PFKFB4: variants seen among roughly 807,000 people sequenced by gnomAD.
The protein encoded by PFKFB4 is 6-phosphofructo-2-kinase/fructose-2,6-biphosphatase 4.
Under a neutral mutation model 62.8 loss-of-function variants are expected in PFKFB4, and 42 were observed. The observed-to-expected ratio is 0.67, with a 90% CI of 0.52 to 0.86. The LOEUF is 0.86. Ranked by LOEUF, PFKFB4 falls within the 40% of genes least tolerant of loss-of-function variation. The pLI, the probability that PFKFB4 is intolerant of heterozygous loss-of-function variation, is 0.00. For synonymous variants in PFKFB4, 204 were observed against 240.7 expected (o/e 0.85, Z 1.41); for missense variants, 475 against 627.2 (o/e 0.76, Z 2.59).
Position 48,521,883 on chromosome 3 carries a change from C to T in PFKFB4, c.1350+103G>A. On this transcript the variant is annotated intron_variant, in intron 13 of 13. Coordinates refer to ENST00000232375, the MANE Select transcript of PFKFB4 (RefSeq NM_004567.4). The surrounding 1 kb of genome is among the most constrained non-coding windows in gnomAD (Gnocchi z 5.3). ...CAGTCTTGGCAGAAGACTCAAGCTC[C>T]CTCTGGCAGGTGCCGCAGCTGGGCC... 1 of 981,994 alleles carries T rather than the reference C, an allele frequency of 1.0e-6. No individual in the cohort carries two copies. The highest frequency in any genetic ancestry group is 1.6e-6 in the Non-Finnish European group (1 of 607,474). 60.8% of individuals were successfully genotyped at this position (981,994 alleles called of 1,614,324 possible).
chr3:48,538,420 G>A, intron 7 of PFKFB4, 78 bp downstream of exon 7: 2 of 1,556,908 alleles, frequency 1.3e-6, no homozygotes, highest in Non-Finnish European at 1.7e-6. Flanking sequence ...ACCACCATGG[G>A]GAGCCATAGG....
chr3:48,546,404 C>G (rs1490389566), intron 3 of PFKFB4, among the ~76,000 whole-genome samples: 1 of 152,124 alleles, frequency 6.6e-6, no homozygotes, highest in Non-Finnish European at 1.5e-5. Context: ...TGCCATGTGA[C>G]TGTGTGAGAA....
chr3:48,551,214 C>CTT (rs773561800), intron 1 of PFKFB4, among the ~76,000 whole-genome samples: 55 of 135,060 alleles, frequency 4.1e-4, no homozygotes, highest in South Asian at 4.7e-4. Flanking sequence ...GCTCACTTTT[C>CTT]TTTTTTTTTT....
At chr3:48,522,725 G>A (rs987456259) in intron 12 of PFKFB4, among the ~76,000 whole-genome samples, 3 of 152,030 alleles carry the variant, frequency 2.0e-5, no homozygotes, top group African/African-American at 7.2e-5. Flanking sequence ...AGTCACTGGG[G>A]AGGTCTTCTG....
chr3:48,550,871 G>A (rs2043121221), intron 1 of PFKFB4, among the ~76,000 whole-genome samples: 1 of 152,206 alleles, frequency 6.6e-6, no homozygotes, highest in South Asian at 2.1e-4. Flanking sequence ...TACAGCAGAA[G>A]AAGCCCTGTG....
At chr3:48,525,346 A>C (rs2042223456) in intron 10 of PFKFB4, among the ~76,000 whole-genome samples, 1 of 152,116 alleles carries the variant, frequency 6.6e-6, no homozygotes, top group African/African-American at 2.4e-5. Context: ...CCTGCCCTAC[A>C]TGGCACTGCC....
intron 9 of PFKFB4, among the ~76,000 whole-genome samples, chr3:48,527,753 T>C (rs1158042064): frequency 1.4e-5 from 2 of 146,834 alleles, no homozygotes; most frequent in Non-Finnish European, 3.0e-5. Context: ...AGTGGTGCAA[T>C]CTCAGCTCAC....
chr3:48,537,870 G>A (rs1029911640), intron 7 of PFKFB4, among the ~76,000 whole-genome samples: 33 of 152,116 alleles, frequency 2.2e-4, no homozygotes, highest in Non-Finnish European at 1.6e-4. Context: ...GCACAAGTTT[G>A]TATTCCAGCC....
At chr3:48,546,437 G>A (rs529374024) in intron 3 of PFKFB4, among the ~76,000 whole-genome samples, 1 of 152,284 alleles carries the variant, frequency 6.6e-6, no homozygotes, top group African/African-American at 2.4e-5. Context: ...TGCTTGGTGT[G>A]TACATGTGCA....
At position 48,537,089 on chromosome 3, in the gene PFKFB4, C is replaced by T. The variant is rs533179384; in HGVS notation, c.633-626G>A. On this transcript the variant is annotated intron_variant, in intron 7 of 13. Transcript: ENST00000232375. ...CCGATAAGTCCAGCTCAGCCACTTTCCCTACTCTGGACCTATGTGGCACTG... is the reference window on the plus strand; with the variant it reads ...CCGATAAGTCCAGCTCAGCCACTTTTCCTACTCTGGACCTATGTGGCACTG... Among the ~76,000 whole-genome samples, 4 of 152,326 alleles carry T rather than the reference C, an allele frequency of 2.6e-5. No homozygotes were observed. The South Asian group carries it at 8.3e-4, about 32-fold the overall frequency.
upstream of PFKFB4, chr3:48,562,933 G>A (rs2043458992): frequency 1.9e-6 from 3 of 1,605,148 alleles, no homozygotes; most frequent in Non-Finnish European, 2.6e-6. The surrounding 1 kb of genome is among the most constrained non-coding windows in gnomAD (Gnocchi z 4.3). Context: ...GGTGGCGGGT[G>A]GGGCTGCAGT....
At chr3:48,560,856 C>T (rs2043421016), upstream of PFKFB4, among the ~76,000 whole-genome samples, 1 of 152,066 alleles carries the variant, frequency 6.6e-6, no homozygotes, top group African/African-American at 2.4e-5. Context: ...TTTATAGTTC[C>T]CCCTTGGCCC....
chr3:48,535,398 C>G (rs772683253), intron 9 of PFKFB4, 114 bp downstream of exon 9: 31 of 951,556 alleles, frequency 3.3e-5, no homozygotes, highest in Non-Finnish European at 4.9e-5. Flanking sequence ...GTTCCTGTAT[C>G]CTTTCTCTCT....
chr3:48,521,943 C>T lies in PFKFB4; in HGVS notation c.1350+43G>A. On this transcript the variant is annotated intron_variant, in intron 13 of 13. Coordinates refer to ENST00000232375, the MANE Select transcript of PFKFB4 (RefSeq NM_004567.4). This position sits in a 1 kb window ranked among gnomAD's most constrained non-coding sequence, Gnocchi z 5.3. ...AGGATGTGCAGTCTGGACACCCCCA[C>T]ATCAGGAACACCCCGCTACCCCAGC... 12 of 1,550,374 alleles carry T rather than the reference C, an allele frequency of 7.7e-6. No homozygotes were observed. Among genetic ancestry groups the T allele is most frequent in the Middle Eastern group, 1.7e-4 (1 of 5,948 alleles).
In PFKFB4 at chr3:48,519,723, A is replaced by G. The variant is rs758253702; in HGVS notation, c.*24T>C. On this transcript the variant is annotated 3_prime_UTR_variant, in exon 14 of 14. Transcript: ENST00000232375. Reference sequence around the variant, plus strand: ...CCTCTGCAGAGAGCAGTGCCTGCCTAGTGGTCACAGTGGATGAACATGGTC... The same window carrying G: ...CCTCTGCAGAGAGCAGTGCCTGCCTGGTGGTCACAGTGGATGAACATGGTC... The G allele has an allele frequency of 6.3e-7, 1 of 1,591,834 alleles. No individual in the cohort carries two copies. The highest frequency in any genetic ancestry group is 8.6e-7 in the Non-Finnish European group (1 of 1,160,480).
upstream of PFKFB4, among the ~76,000 whole-genome samples, chr3:48,560,778 G>C (rs1029416325): frequency 2.0e-5 from 3 of 152,240 alleles, no homozygotes; most frequent in African/African-American, 7.2e-5. Context: ...GGCCAGCAAA[G>C]AGCAGAGCAG....
intron 8 of PFKFB4, among the ~76,000 whole-genome samples, 174 bp from the exon 9 acceptor site, chr3:48,535,832 C>T (rs1187848475): frequency 2.0e-5 from 3 of 152,214 alleles, no homozygotes; most frequent in Non-Finnish European, 4.4e-5. Flanking sequence ...AACACAAGTG[C>T]TGTTCCTGTG....
Position 48,556,182 on chromosome 3 carries a change from G to A in PFKFB4, c.97+499C>T, listed in dbSNP as rs1560183758. On this transcript the variant is annotated intron_variant, in intron 1 of 13. Coordinates refer to ENST00000232375, the MANE Select transcript of PFKFB4 (RefSeq NM_004567.4). The surrounding 1 kb of genome is among the most constrained non-coding windows in gnomAD (Gnocchi z 5.7). ...AGTTCCTGCCCAAGCTCAGCTTTAA[G>A]GCCAAGAGGCACCCTTCCTCCTGTT... 2.2e-6 allele frequency: 1 copy of A among 458,296 alleles called. No homozygotes were observed. 28.4% of individuals were successfully genotyped at this position (458,296 alleles called of 1,614,324 possible).
rs2041965959 is a variant in PFKFB4, at chr3:48,517,785, C to T, written c.*1962G>A. ...TCTGGGGAACTCGGGAAAATATCTGCAACATGGGCACGCCAGCCAGCATGG... is the reference window on the plus strand; with the variant it reads ...TCTGGGGAACTCGGGAAAATATCTGTAACATGGGCACGCCAGCCAGCATGG... On this transcript the variant is annotated 3_prime_UTR_variant, in exon 14 of 14. Transcript: ENST00000232375. 6.5e-6 allele frequency: 1 copy of T among 152,728 alleles called. No individual in the cohort carries two copies. Among genetic ancestry groups the T allele is most frequent in the Non-Finnish European group, 1.5e-5 (1 of 68,084 alleles). 9.5% of individuals were successfully genotyped at this position (152,728 alleles called of 1,614,324 possible).
Sources: gnomAD v4.1 joint callset for allele counts (sites outside exome capture counted in the v4.1 genomes callset) on GRCh38, gnomAD v4.1.1 for gene constraint, Gnocchi (gnomAD v3.1) non-coding constraint, MANE v1.5 for transcripts, NCBI Gene and HGNC (gene_info 2026-07-23, HGNC 2026-07-21) for gene names.